KCNQ5: variants seen among roughly 807,000 people sequenced by gnomAD.
KCNQ5 encodes potassium voltage-gated channel subfamily Q member 5.
Under a neutral mutation model 98.2 loss-of-function variants are expected in KCNQ5, and 30 were observed. The observed-to-expected ratio is 0.31, with a 90% CI of 0.23 to 0.41. The LOEUF is 0.41. Among genes scored for constraint, KCNQ5 ranks in the 10% least tolerant of loss-of-function variants. KCNQ5 has a pLI of 1.00. For missense variants in KCNQ5, 835 were observed against 1,182.5 expected, an observed-to-expected ratio of 0.71 and a Z score of 4.31; for synonymous variants, 458 against 449.4, an observed-to-expected ratio of 1.02 and a Z score of -0.24.
chr6:73,012,829 T>C (rs1770143285), intron 2 of KCNQ5, among the ~76,000 whole-genome samples: 1 of 149,890 alleles, frequency 6.7e-6, no homozygotes, highest in Admixed American at 6.7e-5. Context: ...AAAATAAAAC[T>C]AAAAATTAAA....
At chr6:72,720,397 G>T (rs1769895414) in intron 1 of KCNQ5, among the ~76,000 whole-genome samples, 1 of 152,188 alleles carries the variant, frequency 6.6e-6, no homozygotes, top group East Asian at 1.9e-4. Context: ...ATTAATTGTT[G>T]CCTGTTCTAG....
intron 3 of KCNQ5, among the ~76,000 whole-genome samples, chr6:73,060,800 GAAATGCAAATGAAAGCATTC>G: frequency 6.6e-6 from 1 of 152,042 alleles, no homozygotes; most frequent in East Asian, 1.9e-4. Context: ...TCATAAAAAA[GAAATGCAAATGAAAGCATTC>G]TCTCACCTAT....
At chr6:73,012,899 T>C (rs1341404130) in intron 2 of KCNQ5, among the ~76,000 whole-genome samples, 1 of 151,912 alleles carries the variant, frequency 6.6e-6, no homozygotes, top group East Asian at 1.9e-4. Flanking sequence ...GCCTACTTCA[T>C]AAGGCTGATG....
chr6:73,145,598 A>AT (rs962659097), intron 10 of KCNQ5, among the ~76,000 whole-genome samples: 4 of 151,928 alleles, frequency 2.6e-5, no homozygotes, highest in Admixed American at 2.6e-4. Context: ...AGTAATTTCC[A>AT]TTTTTTTTAA....
At chr6:73,167,890 C>G (rs1274972000) in intron 10 of KCNQ5, among the ~76,000 whole-genome samples, 1 of 152,130 alleles carries the variant, frequency 6.6e-6, no homozygotes, top group Non-Finnish European at 1.5e-5. Flanking sequence ...AGGGCTCCAC[C>G]CTCATAAATG....
At chr6:72,695,218 T>A (rs950900049) in intron 1 of KCNQ5, among the ~76,000 whole-genome samples, 5 of 152,206 alleles carry the variant, frequency 3.3e-5, no homozygotes, top group Non-Finnish European at 5.9e-5. Context: ...GTCAAGATAT[T>A]TGTACACATA....
intron 3 of KCNQ5, among the ~76,000 whole-genome samples, chr6:73,066,951 GA>G (rs1454409468): frequency 6.6e-6 from 1 of 152,184 alleles, no homozygotes; most frequent in African/African-American, 2.4e-5. Flanking sequence ...AATTTCTGCA[GA>G]AAAGGGCTCA....
At chr6:72,697,576 T>C (rs1768563087) in intron 1 of KCNQ5, among the ~76,000 whole-genome samples, 1 of 152,196 alleles carries the variant, frequency 6.6e-6, no homozygotes, top group South Asian at 2.1e-4. Flanking sequence ...AATTAGGATA[T>C]AATTCCTTAG....
At chr6:72,671,880 G>A (rs1164056511) in intron 1 of KCNQ5, among the ~76,000 whole-genome samples, 2 of 151,618 alleles carry the variant, frequency 1.3e-5, no homozygotes, top group African/African-American at 2.4e-5. Context: ...GCAGTGGCAC[G>A]ATCTCGGCTC....
At chr6:73,132,735 T>C (rs908391265) in intron 9 of KCNQ5, among the ~76,000 whole-genome samples, 5 of 152,236 alleles carry the variant, frequency 3.3e-5, no homozygotes, top group Admixed American at 6.5e-5. Flanking sequence ...TAGCAGGAAA[T>C]TGTGTTAGTG....
At chr6:73,057,189 G>A (rs1172510909) in intron 3 of KCNQ5, among the ~76,000 whole-genome samples, 1 of 152,126 alleles carries the variant, frequency 6.6e-6, no homozygotes, top group Non-Finnish European at 1.5e-5. Context: ...GGACATGGAT[G>A]AAGCTGGAAA....
At chr6:72,974,248 G>A (rs1768042653) in intron 1 of KCNQ5, among the ~76,000 whole-genome samples, 1 of 152,146 alleles carries the variant, frequency 6.6e-6, no homozygotes, top group Non-Finnish European at 1.5e-5. Context: ...GCAGTGCTGA[G>A]TAGCTCCTAG....
At chr6:72,866,794 T>TGAGG (rs1348678786) in intron 1 of KCNQ5, among the ~76,000 whole-genome samples, 2 of 152,222 alleles carry the variant, frequency 1.3e-5, no homozygotes, top group Non-Finnish European at 2.9e-5. Context: ...CCATATTGCC[T>TGAGG]AAGGACCTTG....
chr6:72,645,766 T>C (rs1242935069), intron 1 of KCNQ5, among the ~76,000 whole-genome samples: 1 of 152,148 alleles, frequency 6.6e-6, no homozygotes, highest in Non-Finnish European at 1.5e-5. Context: ...GCTTGGCTTC[T>C]TGAATGAGTT....
chr6:73,063,690 A>AGAT (rs780533128), intron 3 of KCNQ5, among the ~76,000 whole-genome samples: 4,493 of 80,104 alleles, frequency 0.056, 226 homozygotes, highest in Non-Finnish European at 0.069. Context: ...GATAGATGAT[A>AGAT]GATAGATAGA....
At chr6:72,684,682 T>A (rs181312085) in intron 1 of KCNQ5, among the ~76,000 whole-genome samples, 2 of 152,384 alleles carry the variant, frequency 1.3e-5, no homozygotes, top group East Asian at 3.9e-4. Flanking sequence ...ATCTGTGTAA[T>A]GCTATGCATT....
At chr6:72,985,390 A>G (rs990633991) in intron 1 of KCNQ5, among the ~76,000 whole-genome samples, 2 of 152,268 alleles carry the variant, frequency 1.3e-5, no homozygotes, top group African/African-American at 4.8e-5. Flanking sequence ...GAGTAATTTC[A>G]GATGAGCTGA....
intron 7 of KCNQ5, among the ~76,000 whole-genome samples, chr6:73,112,808 A>C (rs1350639932): frequency 1.3e-5 from 2 of 152,218 alleles, no homozygotes; most frequent in Non-Finnish European, 2.9e-5. Context: ...GTTCAGTTAT[A>C]TCATGAAGGA....
chr6:72,779,590 G>A (rs932943001), intron 1 of KCNQ5, among the ~76,000 whole-genome samples: 2 of 152,044 alleles, frequency 1.3e-5, no homozygotes, highest in African/African-American at 4.8e-5. Context: ...AGTAGGCAAA[G>A]GAATTACCGA....
Sources: gnomAD v4.1 joint callset for allele counts (sites outside exome capture counted in the v4.1 genomes callset) on GRCh38, gnomAD v4.1.1 for gene constraint, MANE v1.5 for transcripts, NCBI Gene and HGNC (gene_info 2026-07-23, HGNC 2026-07-21) for gene names.